NAV2: variants seen among roughly 807,000 people sequenced by gnomAD.
The protein encoded by NAV2 is neuron navigator 2.
In NAV2, 54 loss-of-function variants were observed where a neutral mutation model predicts 223.2. That is an observed-to-expected ratio of 0.24 (90% confidence interval 0.19 to 0.30). NAV2 has a LOEUF of 0.30. Ranked by LOEUF, NAV2 falls within the 10% of genes least tolerant of loss-of-function variation. The probability of loss-of-function intolerance (pLI) is 1.00; values close to 1 mark genes in which losing one functional copy is unlikely to be tolerated. For missense variants in NAV2, 2,806 were observed against 3,147.5 expected (o/e 0.89, Z 2.60); for synonymous variants, 1,279 against 1,239.3 (o/e 1.03, Z -0.67).
At chr11:19,401,681 A>G (rs1423524789) in intron 1 of NAV2, among the ~76,000 whole-genome samples, 1 of 152,218 alleles carries the variant, frequency 6.6e-6, no homozygotes, top group African/African-American at 2.4e-5. Flanking sequence ...AGGGAGCACT[A>G]TGTATACATT....
At chr11:20,087,739 G>C (rs748232475) in intron 26 of NAV2, among the ~76,000 whole-genome samples, 3 of 152,122 alleles carry the variant, frequency 2.0e-5, no homozygotes, top group African/African-American at 7.2e-5. Flanking sequence ...AGGAACACAG[G>C]CTCTAGAGCT....
intron 6 of NAV2, among the ~76,000 whole-genome samples, chr11:19,893,184 G>A (rs2041660816): frequency 1.3e-5 from 2 of 151,280 alleles, no homozygotes; most frequent in South Asian, 2.1e-4. Flanking sequence ...GAGTTTTTAG[G>A]ATGGAGAAAA....
At chr11:20,081,564 C>T (rs887650210) in intron 25 of NAV2, among the ~76,000 whole-genome samples, 1 of 152,296 alleles carries the variant, frequency 6.6e-6, no homozygotes, top group South Asian at 2.1e-4. Context: ...GAGGTAGAGG[C>T]AAGGATTTCA....
intron 1 of NAV2, among the ~76,000 whole-genome samples, chr11:19,810,987 T>C (rs561736844): frequency 5.9e-5 from 9 of 152,364 alleles, no homozygotes; most frequent in African/African-American, 1.9e-4. Context: ...GTTTTGCTCA[T>C]CATTCTGTCC....
intron 6 of NAV2, among the ~76,000 whole-genome samples, chr11:19,895,340 G>T (rs919849767): frequency 6.6e-6 from 1 of 152,124 alleles, no homozygotes; most frequent in African/African-American, 2.4e-5. Context: ...GCCTGCCAAA[G>T]TGCTAGGATT....
At chr11:19,482,203 A>G (rs2042300835) in intron 1 of NAV2, among the ~76,000 whole-genome samples, 1 of 152,214 alleles carries the variant, frequency 6.6e-6, no homozygotes, top group Admixed American at 6.5e-5. Flanking sequence ...TACCATGATT[A>G]TTGCCATTTT....
chr11:19,844,295 A>G (rs969883779), intron 3 of NAV2, among the ~76,000 whole-genome samples: 1 of 152,210 alleles, frequency 6.6e-6, no homozygotes, highest in Non-Finnish European at 1.5e-5. Context: ...TCCCTCCAGG[A>G]TAGATACTGA....
intron 19 of NAV2, among the ~76,000 whole-genome samples, chr11:20,058,158 C>T (rs1258565240): frequency 6.6e-6 from 1 of 152,050 alleles, no homozygotes; most frequent in Non-Finnish European, 1.5e-5. Context: ...TATTAACTCC[C>T]AGTATTGCAG....
At chr11:19,458,416 T>G (rs548067113) in intron 1 of NAV2, among the ~76,000 whole-genome samples, 4 of 152,234 alleles carry the variant, frequency 2.6e-5, no homozygotes, top group Non-Finnish European at 5.9e-5. Context: ...AAGCCACACA[T>G]TCATGTGAAA....
chr11:19,855,536 TAC>T (rs1436005961), intron 3 of NAV2, among the ~76,000 whole-genome samples: 5 of 152,180 alleles, frequency 3.3e-5, no homozygotes, highest in African/African-American at 1.2e-4. Flanking sequence ...TGGTACCAGT[TAC>T]ACAGAGTTGG....
chr11:19,693,723 C>G (rs538514140), intron 1 of NAV2, among the ~76,000 whole-genome samples: 1 of 152,204 alleles, frequency 6.6e-6, no homozygotes, highest in East Asian at 1.9e-4. Flanking sequence ...CTGTCCCAGT[C>G]TCAGCCTAGT....
intron 6 of NAV2, among the ~76,000 whole-genome samples, chr11:19,908,183 A>G (rs1027863533): frequency 1.3e-5 from 2 of 152,240 alleles, no homozygotes; most frequent in African/African-American, 4.8e-5. Flanking sequence ...TCAAACGGCT[A>G]AGGTAGAGGC....
chr11:19,512,158 A>G (rs1292662834), intron 1 of NAV2, among the ~76,000 whole-genome samples: 1 of 152,018 alleles, frequency 6.6e-6, no homozygotes, highest in Non-Finnish European at 1.5e-5. Context: ...CTCTCTACCT[A>G]GGAGGCTCTG....
intron 1 of NAV2, among the ~76,000 whole-genome samples, chr11:19,600,857 C>A (rs2046333011): frequency 6.6e-6 from 1 of 152,162 alleles, no homozygotes. Flanking sequence ...GGTTTTATAG[C>A]CAGCAAATGG....
chr11:19,540,195 C>T (rs1053858427), intron 1 of NAV2, among the ~76,000 whole-genome samples: 3 of 152,158 alleles, frequency 2.0e-5, no homozygotes, highest in Non-Finnish European at 4.4e-5. Flanking sequence ...CACCACCCAC[C>T]TTCAGTGGCA....
At chr11:19,544,301 C>T (rs1043641159) in intron 1 of NAV2, among the ~76,000 whole-genome samples, 7 of 152,306 alleles carry the variant, frequency 4.6e-5, no homozygotes, top group Middle Eastern at 3.4e-3. Flanking sequence ...CTTTCCAATA[C>T]CAGCAGAATG....
intron 1 of NAV2, among the ~76,000 whole-genome samples, chr11:19,632,372 C>A (rs570463508): frequency 6.6e-6 from 1 of 152,252 alleles, no homozygotes; most frequent in South Asian, 2.1e-4. Flanking sequence ...TGCTTCCATA[C>A]ATATTTATTG....
chr11:19,908,744 A>G (rs112206494), intron 6 of NAV2, among the ~76,000 whole-genome samples: 45 of 152,314 alleles, frequency 3.0e-4, no homozygotes, highest in African/African-American at 9.9e-4. Context: ...TCTGTCATTA[A>G]AAAAATGTCA....
At position 19,713,588 on chromosome 11, in the gene NAV2, C is replaced by G; in HGVS notation, c.-108C>G. The stretch of plus-strand genomic sequence containing the variant: ...TTTTTTAGCCGCTGGTGGTGGGCGC[C>G]TCGTGGGCTAAGGCCCGGCGCCTGC... On this transcript the variant is annotated 5_prime_UTR_variant, in exon 1 of 38. Transcript: ENST00000349880. The surrounding 1 kb of genome is among the most constrained non-coding windows in gnomAD (Gnocchi z 7.2). 7.1e-7 allele frequency: 1 copy of G among 1,418,356 alleles called. No individual in the cohort carries two copies. The allele number at this position is 1,418,356 out of a possible 1,614,324, so 87.9% of individuals were successfully genotyped here.
Sources: gnomAD v4.1 joint callset for allele counts (sites outside exome capture counted in the v4.1 genomes callset) on GRCh38, gnomAD v4.1.1 for gene constraint, Gnocchi (gnomAD v3.1) non-coding constraint, MANE v1.5 for transcripts, NCBI Gene and HGNC (gene_info 2026-07-23, HGNC 2026-07-21) for gene names.